Variants in CTTN observed in about 807,000 individuals in gnomAD.
CTTN encodes src substrate cortactin.
CTTN carries 28 observed loss-of-function variants against 84.0 expected under a neutral mutation model. The observed-to-expected ratio is 0.33, with a 90% CI of 0.25 to 0.46. The LOEUF (loss-of-function observed/expected upper bound fraction) is 0.46. Ranked by LOEUF, CTTN falls within the 20% of genes least tolerant of loss-of-function variation. The pLI is 1.00. For missense variants in CTTN, 641 were observed against 723.8 expected (o/e 0.89, Z 1.31); for synonymous variants, 301 against 288.8 (o/e 1.04, Z -0.43).
At chr11:70,423,419 C>T (rs1341860923) in intron 12 of CTTN, among the ~76,000 whole-genome samples, 2 of 152,228 alleles carry the variant, frequency 1.3e-5, no homozygotes, top group Non-Finnish European at 2.9e-5. Context: ...CCATGTCTCC[C>T]GTCTTCAGCC....
intron 17 of CTTN, among the ~76,000 whole-genome samples, chr11:70,434,748 G>A (rs2058395563): frequency 6.6e-6 from 1 of 152,248 alleles, no homozygotes; most frequent in African/African-American, 2.4e-5. Context: ...GGCGGGGCTG[G>A]AGTTATGTGG....
intron 7 of CTTN, 24 bp downstream of exon 7, chr11:70,415,741 G>C (rs2058150688): frequency 6.2e-7 from 1 of 1,613,690 alleles, no homozygotes; most frequent in African/African-American, 1.3e-5. Context: ...GGTGCAGAAA[G>C]AGCCCGCTCC....
chr11:70,424,496 A>G (rs588871), intron 12 of CTTN, among the ~76,000 whole-genome samples: 149,164 of 152,094 alleles, frequency 0.98, 73,178 homozygotes, highest in East Asian at 1. Context: ...CCGGGTCCCC[A>G]TACATTGTGG....
In CTTN at chr11:70,414,573, T is replaced by C. The variant is rs1565491364; in HGVS notation, c.323T>C (p.Leu108Pro). The C allele has an allele frequency of 5.6e-6, 9 of 1,614,162 alleles. No individual in the cohort carries two copies. The highest frequency in any genetic ancestry group is 7.6e-6 in the Non-Finnish European group (9 of 1,180,006). ...SAVGHEYQSKLSKHCSQVDSV... is the reference protein window; with the variant it reads ...SAVGHEYQSKPSKHCSQVDSV... ...GTCGGCCACGAATATCAGTCGAAAC[T>C]TTCCAAGCACTGCTCGCAGGTGGAC... is the stretch of plus-strand genomic sequence containing the variant. Residue 108 changes from leucine (L) to proline (P), a missense_variant, in exon 6 of 18, where the codon CTT becomes CCT. Around this residue, in one of 3 missense-constraint regions of CTTN, gnomAD observed 284 missense variants for 348.4 expected, o/e 0.82. Transcript: ENST00000301843.
At chr11:70,431,886 C>A (rs1358524108) in intron 15 of CTTN, among the ~76,000 whole-genome samples, 2 of 152,170 alleles carry the variant, frequency 1.3e-5, no homozygotes, top group African/African-American at 4.8e-5. Context: ...CTGCTCCCCG[C>A]CAGCACCTCT....
chr11:70,409,142 A>G (rs1432141963), intron 4 of CTTN, among the ~76,000 whole-genome samples: 1 of 151,854 alleles, frequency 6.6e-6, no homozygotes, highest in African/African-American at 2.4e-5. Flanking sequence ...TTCATCTTCA[A>G]TTCTAGGATT....
Position 70,410,078 on chromosome 11 carries a change from G to A in CTTN, c.291+118G>A, listed in dbSNP as rs150852742. On this transcript the variant is annotated intron_variant, in intron 5 of 17. Coordinates refer to ENST00000301843, the MANE Select transcript of CTTN (RefSeq NM_005231.4). Reference sequence around the variant, plus strand: ...AGCAGTTTTGAGTCCATCTGCTGAGGTTGCGATTTGCCCGGAGTAGACCCC... The same window carrying A: ...AGCAGTTTTGAGTCCATCTGCTGAGATTGCGATTTGCCCGGAGTAGACCCC... The A allele has an allele frequency of 1.7e-4, 183 of 1,103,024 alleles. 1 individual carries two copies. In the African/African-American group the frequency reaches 2.6e-3, roughly 15 times the overall value. The allele number at this position is 1,103,024 out of a possible 1,614,324, so 68.3% of individuals were successfully genotyped here.
At chr11:70,414,754 T>C in intron 6 of CTTN, 102 bp downstream of exon 6, 1 of 806,364 alleles carries the variant, frequency 1.2e-6, no homozygotes, top group Admixed American at 2.0e-5. Flanking sequence ...GCAGGTGCCC[T>C]CCAGCTCTGG....
At chr11:70,414,420 G>A in intron 5 of CTTN, 122 bp from the exon 6 acceptor site, 2 of 654,282 alleles carry the variant, frequency 3.1e-6, no homozygotes, top group Non-Finnish European at 5.3e-6. Flanking sequence ...CCAGATGGGT[G>A]TGTTAATGTA....
intron 3 of CTTN, 41 bp from the exon 4 acceptor site, chr11:70,407,477 C>T (rs910524324): frequency 1.2e-6 from 2 of 1,613,258 alleles, no homozygotes; most frequent in Non-Finnish European, 1.7e-6. Context: ...GTCTGTGTCA[C>T]AATCCAGGCT....
At chr11:70,423,821 G>A (rs762977928) in intron 12 of CTTN, among the ~76,000 whole-genome samples, 42 of 152,358 alleles carry the variant, frequency 2.8e-4, no homozygotes, top group Admixed American at 4.6e-4. Context: ...TCTGACGTGC[G>A]TGGCCCCAGA....
At position 70,435,739 on chromosome 11, in the gene CTTN, G is replaced by A. The variant is rs77162934; in HGVS notation, c.*577G>A. On this transcript the variant is annotated 3_prime_UTR_variant, in exon 18 of 18. Coordinates refer to ENST00000301843, the MANE Select transcript of CTTN (RefSeq NM_005231.4). ...TATGTCATACCGTGACAGCCCGCAG[G>A]ATCAGGTGACTTCTAGCAGAGACCC... 74,009 of 1,597,588 alleles carry A rather than the reference G, an allele frequency of 0.046. 2,057 individuals are homozygous for A. Among genetic ancestry groups the A allele is most frequent in the Non-Finnish European group, 0.055 (64,505 of 1,179,516 alleles).
chr11:70,417,934 CT>C (rs997635217), intron 8 of CTTN, among the ~76,000 whole-genome samples: 2 of 152,162 alleles, frequency 1.3e-5, no homozygotes, highest in Admixed American at 1.3e-4. Context: ...CCAAGTTGTC[CT>C]TGGAGGCTGT....
intron 13 of CTTN, among the ~76,000 whole-genome samples, chr11:70,427,901 G>A (rs765807363): frequency 5.9e-5 from 9 of 152,076 alleles, no homozygotes; most frequent in South Asian, 2.1e-4. Context: ...GAATTTTCCC[G>A]TTGGCAACAA....
intron 16 of CTTN, 32 bp downstream of exon 16, chr11:70,433,310 C>T (rs1021059693): frequency 6.4e-7 from 1 of 1,569,846 alleles, no homozygotes; most frequent in African/African-American, 1.4e-5. Context: ...GCGCCCTGCC[C>T]AGGGCAGGGA....
Position 70,435,636 on chromosome 11 carries a change from G to T in CTTN, c.*474G>T, listed in dbSNP as rs764781150. On this transcript the variant is annotated 3_prime_UTR_variant, in exon 18 of 18. Coordinates refer to ENST00000301843, the MANE Select transcript of CTTN (RefSeq NM_005231.4). ...AGAGTCTCACTGCTGGGGAGGAGAG[G>T]ACTGGGCCTGATGGAAGTTAACCCG... 15 of 1,594,810 alleles carry T rather than the reference G, an allele frequency of 9.4e-6. No individual in the cohort carries two copies. The highest frequency in any genetic ancestry group is 1.2e-5 in the Non-Finnish European group (14 of 1,178,230).
intron 1 of CTTN, among the ~76,000 whole-genome samples, chr11:70,400,911 T>G (rs1290820941): frequency 6.6e-6 from 1 of 152,202 alleles, no homozygotes; most frequent in Admixed American, 6.5e-5. Context: ...GTAAGTGTGG[T>G]GTAGGGAGTG....
At chr11:70,420,070 G>A (rs1038961096) in intron 9 of CTTN, 7 of 601,768 alleles carry the variant, frequency 1.2e-5, no homozygotes, top group South Asian at 4.2e-5. Flanking sequence ...CCCCAGCGGC[G>A]TTGCTTATCG....
At chr11:70,399,554 A>T (rs1026446634) in intron 1 of CTTN, among the ~76,000 whole-genome samples, 2 of 152,038 alleles carry the variant, frequency 1.3e-5, no homozygotes, top group Non-Finnish European at 2.9e-5. Context: ...TGAGGCTCTA[A>T]ATTTGGAACC....
Sources: gnomAD v4.1 joint callset for allele counts (sites outside exome capture counted in the v4.1 genomes callset) on GRCh38, gnomAD v4.1.1 for gene constraint, gnomAD v4.1.1 regional missense constraint, MANE v1.5 for transcripts, NCBI Gene and HGNC (gene_info 2026-07-23, HGNC 2026-07-21) for gene names.